The following MARCHF1 variants were observed in gnomAD, a reference collection of about 807,000 sequenced individuals.
MARCHF1 encodes the protein membrane associated ring-CH-type finger 1.
A neutral mutation model predicts 54.2 loss-of-function variants in MARCHF1; 40 were observed. The observed-to-expected ratio is 0.74, with a 90% confidence interval of 0.57 to 0.96. The LOEUF (loss-of-function observed/expected upper bound fraction) is 0.96, where lower values mean the gene tolerates loss of function less well. MARCHF1 is among the 40% of genes least tolerant of loss of function. The pLI is 0.00. For synonymous variants in MARCHF1, 236 were observed against 236.3 expected (o/e 1.00, Z 0.01); for missense variants, 586 against 656.5 (o/e 0.89, Z 1.17).
chr4:164,356,933 C>T (rs534854475), intron 1 of MARCHF1, among the ~76,000 whole-genome samples: 4 of 151,824 alleles, frequency 2.6e-5, no homozygotes, highest in Admixed American at 6.6e-5. Context: ...AGGAGAACAA[C>T]AGACACTGGG....
chr4:163,921,319 T>A (rs1751425498), intron 3 of MARCHF1, among the ~76,000 whole-genome samples: 1 of 152,134 alleles, frequency 6.6e-6, no homozygotes, highest in Non-Finnish European at 1.5e-5. Context: ...AAAAATCTTC[T>A]CAGGATATCA....
intron 3 of MARCHF1, among the ~76,000 whole-genome samples, chr4:163,889,419 T>C (rs914483469): frequency 2.0e-5 from 3 of 152,074 alleles, no homozygotes; most frequent in Non-Finnish European, 4.4e-5. Context: ...TTGATGACTA[T>C]GTAATAAGGT....
At chr4:163,738,588 T>C (rs1746113508) in intron 4 of MARCHF1, among the ~76,000 whole-genome samples, 2 of 152,254 alleles carry the variant, frequency 1.3e-5, no homozygotes, top group South Asian at 2.1e-4. Flanking sequence ...AATGTCTTTA[T>C]GTGTCCAATA....
intron 3 of MARCHF1, among the ~76,000 whole-genome samples, chr4:163,854,828 T>G (rs527490317): frequency 6.6e-6 from 1 of 152,290 alleles, no homozygotes; most frequent in African/African-American, 2.4e-5. Flanking sequence ...ACTTCTTATT[T>G]GGGGGAATGT....
At chr4:163,777,192 C>T (rs1561071673) in intron 4 of MARCHF1, among the ~76,000 whole-genome samples, 1 of 152,098 alleles carries the variant, frequency 6.6e-6, no homozygotes, top group East Asian at 1.9e-4. Flanking sequence ...AAGGTTATGC[C>T]TTCTCTGAAG....
chr4:163,950,232 G>A (rs866419027), intron 3 of MARCHF1, among the ~76,000 whole-genome samples: 1 of 152,156 alleles, frequency 6.6e-6, no homozygotes, highest in Non-Finnish European at 1.5e-5. Context: ...GTGCCTGCAG[G>A]CTTGCTTTGA....
At chr4:164,264,558 A>G (rs1733555228) in intron 1 of MARCHF1, among the ~76,000 whole-genome samples, 1 of 152,086 alleles carries the variant, frequency 6.6e-6, no homozygotes, top group Non-Finnish European at 1.5e-5. Context: ...CATATCTTTC[A>G]TTCATTCCTT....
At chr4:163,822,069 C>A (rs957516140) in intron 4 of MARCHF1, among the ~76,000 whole-genome samples, 1 of 151,826 alleles carries the variant, frequency 6.6e-6, no homozygotes, top group Non-Finnish European at 1.5e-5. Flanking sequence ...CTTTTAATTA[C>A]TTTTTATTTA....
chr4:164,309,652 A>G (rs1158139015), intron 1 of MARCHF1, among the ~76,000 whole-genome samples: 1 of 152,142 alleles, frequency 6.6e-6, no homozygotes, highest in Non-Finnish European at 1.5e-5. Flanking sequence ...GTTTTCTTCT[A>G]TTTCTATGTT....
chr4:164,148,142 AACACACACAC>A (rs10573891), intron 1 of MARCHF1, among the ~76,000 whole-genome samples: 1 of 147,746 alleles, frequency 6.8e-6, no homozygotes, highest in South Asian at 2.2e-4. Context: ...TTAAAAAAAT[AACACACACAC>A]ACACACACAC....
At chr4:163,826,455 T>C (rs1431264980) in intron 4 of MARCHF1, among the ~76,000 whole-genome samples, 1 of 152,106 alleles carries the variant, frequency 6.6e-6, no homozygotes, top group Non-Finnish European at 1.5e-5. Flanking sequence ...ACAAAATTCA[T>C]AGTTATGAAC....
At chr4:163,826,598 A>T (rs1487607892) in intron 4 of MARCHF1, among the ~76,000 whole-genome samples, 1 of 152,102 alleles carries the variant, frequency 6.6e-6, no homozygotes, top group East Asian at 1.9e-4. Flanking sequence ...AGTATTTAGC[A>T]AAACCAACAT....
chr4:163,853,999 G>T, intron 4 of MARCHF1, 22 bp downstream of exon 4: 1 of 1,534,130 alleles, frequency 6.5e-7, no homozygotes, highest in Non-Finnish European at 8.7e-7. Flanking sequence ...GCCAATTTGA[G>T]GTAAAGTAAC....
At chr4:164,000,163 T>C (rs1160072371) in intron 2 of MARCHF1, among the ~76,000 whole-genome samples, 1 of 151,748 alleles carries the variant, frequency 6.6e-6, no homozygotes, top group African/African-American at 2.4e-5. Flanking sequence ...TTTGCTATCA[T>C]AAGTTTCTAT....
intron 1 of MARCHF1, among the ~76,000 whole-genome samples, chr4:164,198,263 T>C (rs756814770): frequency 2.6e-5 from 4 of 152,230 alleles, no homozygotes; most frequent in Non-Finnish European, 5.9e-5. Context: ...TTATGAATTT[T>C]CCACTTCTGA....
chr4:164,196,916 G>T lies in MARCHF1; in HGVS notation c.-322-85254C>A, dbSNP rs1731278436. The T allele has an allele frequency of 4.3e-5, 65 of 1,498,780 alleles. No individual in the cohort carries two copies. In the South Asian group the frequency reaches 7.3e-4, roughly 17 times the overall value. 92.8% of individuals were successfully genotyped at this position (1,498,780 alleles called of 1,614,324 possible). Reference sequence around the variant, plus strand: ...AGGGGGCAGGATTGGAGGGGGGAGGGGATATGGGTAAAAACAGTCAAATCA... The same window carrying T: ...AGGGGGCAGGATTGGAGGGGGGAGGTGATATGGGTAAAAACAGTCAAATCA... On this transcript the variant is annotated intron_variant, in intron 1 of 9. Coordinates refer to ENST00000514618, the MANE Select transcript of MARCHF1 (RefSeq NM_001394959.1).
chr4:164,321,952 C>T (rs1328265032), intron 1 of MARCHF1, among the ~76,000 whole-genome samples: 1 of 151,908 alleles, frequency 6.6e-6, no homozygotes, highest in Non-Finnish European at 1.5e-5. Context: ...TTCATTTAAT[C>T]CTCATGAGAA....
intron 3 of MARCHF1, among the ~76,000 whole-genome samples, chr4:163,904,327 C>T (rs570789141): frequency 4.3e-4 from 65 of 152,238 alleles, no homozygotes; most frequent in African/African-American, 1.0e-3. Context: ...TAAATTAGAG[C>T]GCTCCCTGTG....
chr4:164,176,976 CTCTCTA>C (rs1219153909), intron 1 of MARCHF1, among the ~76,000 whole-genome samples: 109 of 32,822 alleles, frequency 3.3e-3, no homozygotes, highest in Admixed American at 5.3e-3. Flanking sequence ...CTCTCTCTCT[CTCTCTA>C]TATATATATA....
Sources: allele counts gnomAD v4.1 joint callset (sites outside exome capture counted in the v4.1 genomes callset), GRCh38; gene constraint gnomAD v4.1.1; transcripts MANE v1.5; gene names NCBI Gene and HGNC (gene_info 2026-07-23, HGNC 2026-07-21).